RSF1: variants seen among roughly 807,000 people sequenced by gnomAD.
The protein encoded by RSF1 is remodeling and spacing factor 1.
In RSF1, 13 loss-of-function variants were observed where a neutral mutation model predicts 145.2. That is an observed-to-expected ratio of 0.09 (90% CI 0.06 to 0.14). The LOEUF (loss-of-function observed/expected upper bound fraction) is 0.14, where lower values mean the gene tolerates loss of function less well. Ranked by LOEUF, RSF1 falls within the 10% of genes least tolerant of loss-of-function variation. The pLI is 1.00. For synonymous variants in RSF1, 577 were observed against 592.6 expected (o/e 0.97, Z 0.38); for missense variants, 1,517 against 1,718.2 (o/e 0.88, Z 2.07).
intron 1 of RSF1, among the ~76,000 whole-genome samples, chr11:77,808,249 A>G (rs943196600): frequency 2.0e-5 from 3 of 152,080 alleles, no homozygotes; most frequent in African/African-American, 7.2e-5. Flanking sequence ...CAGGAGAATC[A>G]CTTGAACCCA....
chr11:77,857,938 G>A, the RSF1 span, among the ~76,000 whole-genome samples: 4 of 151,880 alleles, frequency 2.6e-5, no homozygotes, highest in Non-Finnish European at 5.9e-5. Context: ...CTTGTGATCT[G>A]CCCACATTGG....
At chr11:77,711,120 C>T (rs1320103924) in intron 5 of RSF1, among the ~76,000 whole-genome samples, 2 of 148,980 alleles carry the variant, frequency 1.3e-5, no homozygotes, top group Admixed American at 1.4e-4. Context: ...GACACCCCCC[C>T]TGACCCCCAC....
chr11:77,779,320 G>GCC (rs1948379358), intron 1 of RSF1, among the ~76,000 whole-genome samples: 1 of 151,852 alleles, frequency 6.6e-6, no homozygotes, highest in Admixed American at 6.6e-5. Flanking sequence ...CGATCCTACT[G>GCC]CCTTAGCCTC....
At chr11:77,794,879 GA>G (rs1241666444) in intron 1 of RSF1, among the ~76,000 whole-genome samples, 2 of 152,124 alleles carry the variant, frequency 1.3e-5, no homozygotes, top group African/African-American at 2.4e-5. Flanking sequence ...AGAAAGAAAG[GA>G]AAGGTATCCA....
the RSF1 span, among the ~76,000 whole-genome samples, chr11:77,836,493 C>T: frequency 6.6e-6 from 1 of 152,142 alleles, no homozygotes; most frequent in African/African-American, 2.4e-5. Flanking sequence ...CTATTGGCAC[C>T]TTGATCTTGG....
At chr11:77,839,063 C>A in the RSF1 span, among the ~76,000 whole-genome samples, 1 of 152,144 alleles carries the variant, frequency 6.6e-6, no homozygotes, top group Non-Finnish European at 1.5e-5. Context: ...TTCCCTTATA[C>A]TACTTTCTTT....
intron 12 of RSF1, among the ~76,000 whole-genome samples, chr11:77,677,418 G>A (rs1044889551): frequency 1.3e-5 from 2 of 152,154 alleles, no homozygotes; most frequent in African/African-American, 4.8e-5. Flanking sequence ...CTGTCTTTTG[G>A]ACAAGGCTTT....
chr11:77,753,360 G>A (rs1388190996), intron 2 of RSF1, among the ~76,000 whole-genome samples: 1 of 152,074 alleles, frequency 6.6e-6, no homozygotes, highest in African/African-American at 2.4e-5. Flanking sequence ...AATTATTCCT[G>A]GGCTTAAACT....
rs1332409005 is a variant in RSF1, at chr11:77,702,276, T to C, written c.953A>G (p.Asn318Ser). ...CACCTCAACTTTAATGGGTTTGACA[T>C]TTTCCTTGAAGGAATCACTTTCTTC... ...IKEESDSFKE[N>S]VKPIKVEVKE... is the part of the protein sequence containing the mutation. The change falls in exon 6 of 16, where the codon AAT becomes AGT. Residue 318 changes from asparagine (N) to serine (S), a missense_variant. By Grantham distance (46) the Asn-to-Ser change is conservative. This residue lies in a region of RSF1 where 207 missense variants were observed against 191.4 expected (regional missense o/e 1.08). Transcript: ENST00000308488. 2.6e-5 allele frequency: 42 copies of C among 1,609,034 alleles called. No homozygotes were observed. Among genetic ancestry groups the C allele is most frequent in the Middle Eastern group, 3.3e-4 (2 of 6,062 alleles).
chr11:77,704,522 A>T (rs1352712970), intron 5 of RSF1, among the ~76,000 whole-genome samples: 1 of 152,186 alleles, frequency 6.6e-6, no homozygotes, highest in Admixed American at 6.5e-5. Context: ...TGGTTTGAGT[A>T]ACAACATAGC....
At chr11:77,852,945 G>T in the RSF1 span, among the ~76,000 whole-genome samples, 1 of 152,016 alleles carries the variant, frequency 6.6e-6, no homozygotes, top group African/African-American at 2.4e-5. Context: ...AGTCCTAAGG[G>T]ATGGGTACTC....
chr11:77,700,196 C>T (rs1960381116), intron 6 of RSF1, among the ~76,000 whole-genome samples: 1 of 151,482 alleles, frequency 6.6e-6, no homozygotes, highest in African/African-American at 2.4e-5. Context: ...ATTAAAAATA[C>T]AAAAATTAGC....
At chr11:77,698,764 T>C in intron 6 of RSF1, 71 bp from the exon 7 acceptor site, 1 of 1,272,842 alleles carries the variant, frequency 7.9e-7, no homozygotes, top group Non-Finnish European at 1.1e-6. Context: ...TGATTACATG[T>C]CCATTGTATA....
intron 3 of RSF1, among the ~76,000 whole-genome samples, chr11:77,743,862 C>T (rs757277524): frequency 1.5e-4 from 23 of 152,072 alleles, no homozygotes; most frequent in Non-Finnish European, 2.5e-4. Context: ...ATTATATGGC[C>T]TTTACTGCAC....
the RSF1 span, chr11:77,869,882 G>C: frequency 2.0e-6 from 3 of 1,496,306 alleles, no homozygotes; most frequent in South Asian, 3.4e-5. Context: ...TTGTCTTACA[G>C]ACTTGTCCTT....
chr11:77,793,012 C>G (rs1948535701), intron 1 of RSF1, among the ~76,000 whole-genome samples: 1 of 152,078 alleles, frequency 6.6e-6, no homozygotes, highest in Non-Finnish European at 1.5e-5. Context: ...GGTACCACGA[C>G]ATTAAAACCT....
At chr11:77,856,142 C>T in the RSF1 span, among the ~76,000 whole-genome samples, 4 of 152,140 alleles carry the variant, frequency 2.6e-5, no homozygotes, top group East Asian at 5.8e-4. Flanking sequence ...AGGTCTTCCA[C>T]CAGATACCCT....
chr11:77,823,125 G>C (rs1288170363), upstream of RSF1, among the ~76,000 whole-genome samples: 1 of 143,694 alleles, frequency 7.0e-6, no homozygotes, highest in South Asian at 2.2e-4. Flanking sequence ...TGAGGCAGGA[G>C]AATGGCATGG....
chr11:77,771,952 T>C (rs991340715), intron 1 of RSF1, among the ~76,000 whole-genome samples: 8 of 152,190 alleles, frequency 5.3e-5, no homozygotes, highest in African/African-American at 1.9e-4. Flanking sequence ...TTTAGAACTT[T>C]TCTAAAATGT....
Sources: gnomAD v4.1 joint callset for allele counts (sites outside exome capture counted in the v4.1 genomes callset) on GRCh38, gnomAD v4.1.1 for gene constraint, gnomAD v4.1.1 regional missense constraint, MANE v1.5 for transcripts, NCBI Gene and HGNC (gene_info 2026-07-23, HGNC 2026-07-21) for gene names.